Variants in POLR2B observed in about 807,000 individuals in gnomAD.
POLR2B encodes RNA polymerase II subunit B.
In POLR2B, 57 loss-of-function variants were observed where a neutral mutation model predicts 144.6. The observed-to-expected ratio is 0.39, with a 90% CI of 0.32 to 0.49. The LOEUF (loss-of-function observed/expected upper bound fraction) is 0.49, where lower values mean the gene tolerates loss of function less well. POLR2B is among the 20% of genes least tolerant of loss of function. The pLI is 0.83. For missense variants in POLR2B, 595 were observed against 1,467.4 expected (o/e 0.41, Z 9.71); for synonymous variants, 442 against 469.8 (o/e 0.94, Z 0.77).
At chr4:57,011,518 T>A (rs1479984404) in intron 13 of POLR2B, among the ~76,000 whole-genome samples, 3 of 144,742 alleles carry the variant, frequency 2.1e-5, no homozygotes, top group Non-Finnish European at 3.0e-5. Context: ...ACAGAGTGGG[T>A]CTCTGTCTCA....
In POLR2B at chr4:57,028,420, C is replaced by T. The variant is rs56763474; in HGVS notation, c.3240-1784C>T. ...AAGTGCTGGGATTATAGGTGTGAGT[C>T]ATCGTGCCTGGTTGAGGACTTTCAT... On this transcript the variant is annotated intron_variant, in intron 23 of 24. Coordinates refer to ENST00000314595, the MANE Select transcript of POLR2B (RefSeq NM_000938.3). Among the ~76,000 whole-genome samples, 3,560 of 152,248 alleles carry T rather than the reference C, an allele frequency of 0.023. 314 individuals are homozygous for T. The East Asian group carries it at 0.25, about 11-fold the overall frequency.
At chr4:57,016,936 TATA>T (rs1723387712) in intron 14 of POLR2B, 104 bp from the exon 15 acceptor site, 3 of 296,568 alleles carry the variant, frequency 1.0e-5, no homozygotes, top group Non-Finnish European at 1.8e-5. Flanking sequence ...ATATTTAATA[TATA>T]ATATTAAACT....
chr4:57,014,968 A>G (rs554735606), intron 13 of POLR2B, among the ~76,000 whole-genome samples: 2 of 152,096 alleles, frequency 1.3e-5, no homozygotes, highest in Non-Finnish European at 2.9e-5. Flanking sequence ...TCAGTTCAGA[A>G]TCGCCACGTT....
intron 6 of POLR2B, 140 bp from the exon 7 acceptor site, chr4:56,999,477 A>T: frequency 2.1e-6 from 1 of 483,034 alleles, no homozygotes; most frequent in East Asian, 3.4e-5. Flanking sequence ...CAGTCATAGG[A>T]GGTTCCTCAC....
Position 56,990,801 on chromosome 4 carries a change from AGTTTATTCAGATGTCT to A in POLR2B, c.150_165del (p.Ile51LysfsTer10). 1 of 1,613,384 alleles carries A rather than the reference AGTTTATTCAGATGTCT, an allele frequency of 6.2e-7. No individual in the cohort carries two copies. Among genetic ancestry groups the A allele is most frequent in the Non-Finnish European group, 8.5e-7 (1 of 1,179,472 alleles). On this transcript the variant is annotated frameshift_variant, in exon 3 of 25. Transcript: ENST00000314595. LOFTEE classifies it high-confidence loss of function. ...AGACAACAGCTGGATTCTTTTGATGAGTTTATTCAGATGTCTGTTCAAAGAATTGTGGAAGACGCTC... is the reference window on the plus strand; with the variant it reads ...AGACAACAGCTGGATTCTTTTGATGAGTTCAAAGAATTGTGGAAGACGCTC...
At chr4:56,996,215 TG>T (rs1405652999) in intron 6 of POLR2B, among the ~76,000 whole-genome samples, 1 of 142,952 alleles carries the variant, frequency 7.0e-6, no homozygotes, top group Non-Finnish European at 1.5e-5. Context: ...CATGTGTGTG[TG>T]TGTGTGTGTG....
chr4:57,010,631 T>G (rs1723161917), intron 11 of POLR2B, 117 bp from the exon 12 acceptor site: 1 of 1,352,678 alleles, frequency 7.4e-7, no homozygotes, highest in Non-Finnish European at 1.0e-6. Flanking sequence ...TTTTTATAAT[T>G]GTATTCTTAG....
chr4:57,008,967 G>C (rs1174663297), intron 10 of POLR2B, among the ~76,000 whole-genome samples: 1 of 151,922 alleles, frequency 6.6e-6, no homozygotes, highest in African/African-American at 2.4e-5. Context: ...GGAGTGACGT[G>C]GTCATTTTTG....
chr4:57,016,054 C>G (rs965815901), intron 14 of POLR2B, among the ~76,000 whole-genome samples: 3 of 152,122 alleles, frequency 2.0e-5, no homozygotes, highest in African/African-American at 7.2e-5. Flanking sequence ...CCACTGCGTC[C>G]GGCAAGTTAA....
At chr4:56,990,458 T>G (rs1280983217) in intron 2 of POLR2B, among the ~76,000 whole-genome samples, 1 of 152,222 alleles carries the variant, frequency 6.6e-6, no homozygotes, top group Admixed American at 6.5e-5. Context: ...GCAATCCTCC[T>G]GCCTTGGCCT....
intron 24 of POLR2B, 60 bp from the exon 25 acceptor site, chr4:57,030,839 T>C: frequency 2.2e-6 from 2 of 922,870 alleles, no homozygotes; most frequent in South Asian, 2.6e-5. Context: ...TTTTCTGGGG[T>C]AGAGAAGTGG....
chr4:56,986,794 CAA>C (rs34549456), intron 2 of POLR2B: 11 of 139,940 alleles, frequency 7.9e-5, no homozygotes, highest in Non-Finnish European at 1.2e-4. Flanking sequence ...ACCCTGTTTC[CAA>C]AAAAAAAAAA....
chr4:57,008,771 G>GAA (rs1723102797), intron 10 of POLR2B, among the ~76,000 whole-genome samples: 1 of 152,194 alleles, frequency 6.6e-6, no homozygotes, highest in Admixed American at 6.6e-5. Flanking sequence ...AGAGTACTTG[G>GAA]AAAACGCCCA....
intron 22 of POLR2B, 35 bp downstream of exon 22, chr4:57,025,034 G>GTT: frequency 2.1e-6 from 2 of 948,248 alleles, no homozygotes; most frequent in African/African-American, 1.7e-5. Context: ...TTTGCCACTT[G>GTT]TTTTTTTTTG....
chr4:57,008,369 A>T (rs974729398), intron 10 of POLR2B, among the ~76,000 whole-genome samples: 4 of 151,930 alleles, frequency 2.6e-5, no homozygotes, highest in African/African-American at 9.7e-5. Context: ...CGCCTGGCTA[A>T]TTTTTTGTAT....
At chr4:57,030,727 C>A in intron 24 of POLR2B, 172 bp from the exon 25 acceptor site, 1 of 574,004 alleles carries the variant, frequency 1.7e-6, no homozygotes, top group Non-Finnish European at 3.1e-6. Flanking sequence ...GGTAAAATAC[C>A]AAAGCCTACT....
chr4:56,984,354 C>G (rs578089998), intron 1 of POLR2B, among the ~76,000 whole-genome samples: 12 of 150,646 alleles, frequency 8.0e-5, no homozygotes, highest in Non-Finnish European at 1.5e-4. Context: ...AATTTTAAAA[C>G]GTTTATTTTA....
At position 57,023,650 on chromosome 4, in the gene POLR2B, A is replaced by G. The variant is rs757000691; in HGVS notation, c.2767-12A>G. The G allele has an allele frequency of 6.2e-5, 100 of 1,610,792 alleles. No individual in the cohort carries two copies. Among genetic ancestry groups the G allele is most frequent in the Non-Finnish European group, 8.2e-5 (97 of 1,178,138 alleles). ...AAATCCACTTAACTAACTTATTTTT[A>G]TATGAATTTAGGTACGCTCTGTTAG... On this transcript the variant is annotated splice_polypyrimidine_tract_variant and intron_variant, in intron 19 of 24. Coordinates refer to ENST00000314595, the MANE Select transcript of POLR2B (RefSeq NM_000938.3). The surrounding 1 kb of genome is among the most constrained non-coding windows in gnomAD (Gnocchi z 4.3).
In POLR2B at chr4:56,994,652, C is replaced by G; in HGVS notation, c.362C>G (p.Ser121Cys). Residue 121 changes from serine (S) to cysteine (C), a missense_variant, in exon 5 of 25, where the codon TCT (serine) becomes TGT (cysteine). Physicochemically the swap from Ser to Cys is moderately radical, Grantham distance 112. Transcript: ENST00000314595. Reference sequence around the variant, plus strand: ...ATCTACTTTTATTTTCAAAGGTATTCTGCTCCGCTTTATGTTGATATAACA... The same window carrying G: ...ATCTACTTTTATTTTCAAAGGTATTGTGCTCCGCTTTATGTTGATATAACA... Reference protein sequence around the residue: ...NEARLRNLTYSAPLYVDITKT... With the variant: ...NEARLRNLTYCAPLYVDITKT... The G allele has an allele frequency of 6.2e-7, 1 of 1,601,398 alleles. No homozygotes were observed. The highest frequency in any genetic ancestry group is 8.6e-7 in the Non-Finnish European group (1 of 1,168,622).
Sources: allele counts gnomAD v4.1 joint callset (sites outside exome capture counted in the v4.1 genomes callset), GRCh38; gene constraint gnomAD v4.1.1; non-coding constraint Gnocchi (gnomAD v3.1); transcripts MANE v1.5; gene names NCBI Gene and HGNC (gene_info 2026-07-23, HGNC 2026-07-21).